BEND7: variants seen among roughly 807,000 people sequenced by gnomAD.
BEND7 encodes BEN domain-containing protein 7.
A neutral mutation model predicts 50.9 loss-of-function variants in BEND7; 28 were observed. The ratio of observed to expected loss-of-function variants is 0.55; its 90% CI spans 0.41 to 0.75. The LOEUF is 0.75. BEND7 is among the 30% of genes least tolerant of loss of function. BEND7 has a pLI of 0.00. For missense variants in BEND7, 477 were observed against 491.3 expected, an observed-to-expected ratio of 0.97 and a Z score of 0.28; for synonymous variants, 170 against 183.9, an observed-to-expected ratio of 0.92 and a Z score of 0.61.
intron 7 of BEND7, among the ~76,000 whole-genome samples, chr10:13,447,613 G>C (rs929576124): frequency 7.0e-6 from 1 of 142,272 alleles, no homozygotes; most frequent in Non-Finnish European, 1.5e-5. Context: ...GCGCGATCTC[G>C]GCTCACTACA....
At chr10:13,471,068 GTCT>G (rs1694151277) in intron 6 of BEND7, among the ~76,000 whole-genome samples, 1 of 152,152 alleles carries the variant, frequency 6.6e-6, no homozygotes, top group South Asian at 2.1e-4. Flanking sequence ...ATTCTGTGAG[GTCT>G]TCTCCTAGTG....
At chr10:13,450,411 G>A (rs1837411128) in intron 7 of BEND7, among the ~76,000 whole-genome samples, 1 of 152,196 alleles carries the variant, frequency 6.6e-6, no homozygotes, top group Non-Finnish European at 1.5e-5. Context: ...GTTCCTATCG[G>A]CATCATGGAA....
At chr10:13,498,214 T>C (rs1488993951) in intron 3 of BEND7, among the ~76,000 whole-genome samples, 1 of 151,788 alleles carries the variant, frequency 6.6e-6, no homozygotes, top group Non-Finnish European at 1.5e-5. Context: ...TAGCTGGGAC[T>C]ACATGCATGC....
chr10:13,478,449 C>T (rs1000690112), intron 6 of BEND7, among the ~76,000 whole-genome samples: 8 of 152,166 alleles, frequency 5.3e-5, no homozygotes, highest in African/African-American at 1.9e-4. Flanking sequence ...ATATTTAAGA[C>T]AAAGTGTGTC....
rs186032811 is a variant in BEND7, at chr10:13,506,993, G to C, written c.146-6913C>G. Among the ~76,000 whole-genome samples, 54 of 152,248 alleles carry C rather than the reference G, an allele frequency of 3.5e-4. 1 individual carries two copies. Among genetic ancestry groups the C allele is most frequent in the Admixed American group, 3.5e-3 (54 of 15,296 alleles). On this transcript the variant is annotated intron_variant, in intron 2 of 8. Transcript: ENST00000466271. Reference sequence around the variant, plus strand: ...GAAAATCTGGATAAAAGCAGGCAATGGGAAACGCAGCTACTGGGTGCATGA... The same window carrying C: ...GAAAATCTGGATAAAAGCAGGCAATCGGAAACGCAGCTACTGGGTGCATGA...
chr10:13,459,477 T>C (rs1297593343), intron 6 of BEND7: 1 of 152,244 alleles, frequency 6.6e-6, no homozygotes, highest in Non-Finnish European at 1.5e-5. Flanking sequence ...AGGCTTGATA[T>C]CCATCTATTG....
chr10:13,462,928 C>T (rs2073855477), intron 6 of BEND7, among the ~76,000 whole-genome samples: 1 of 152,166 alleles, frequency 6.6e-6, no homozygotes, highest in Non-Finnish European at 1.5e-5. Context: ...TACAGAAGAA[C>T]AACAGGTTGA....
intron 6 of BEND7, among the ~76,000 whole-genome samples, chr10:13,460,805 G>A (rs924382704): frequency 1.3e-5 from 2 of 152,220 alleles, no homozygotes; most frequent in Non-Finnish European, 2.9e-5. Flanking sequence ...ACTGGGGGGA[G>A]GGTTACAAAT....
chr10:13,491,667 T>G (rs1284506643), intron 5 of BEND7, among the ~76,000 whole-genome samples: 1 of 151,990 alleles, frequency 6.6e-6, no homozygotes, highest in Non-Finnish European at 1.5e-5. Context: ...GTCCCCTCCC[T>G]TTGTTAAAAA....
In BEND7 at chr10:13,499,945, A is replaced by T; in HGVS notation, c.281T>A (p.Val94Asp). 6.2e-7 allele frequency: 1 copy of T among 1,614,166 alleles called. No homozygotes were observed. Among genetic ancestry groups the T allele is most frequent in the Admixed American group, 1.7e-5 (1 of 60,022 alleles). The change falls in exon 3 of 9, where the codon GTC (valine) becomes GAC (aspartate). Residue 94 changes from valine to aspartate, a missense_variant. Transcript: ENST00000466271. ...AGAGGAGTTCAAACGTGGAGGCCAGACTAAATCCAGGTCCTGGGGCTCTTC... is the reference window on the plus strand; with the variant it reads ...AGAGGAGTTCAAACGTGGAGGCCAGTCTAAATCCAGGTCCTGGGGCTCTTC... Reference protein sequence around the residue: ...LKEEPQDLDLVWPPRLNSSAE... With the variant: ...LKEEPQDLDLDWPPRLNSSAE...
intron 2 of BEND7, among the ~76,000 whole-genome samples, chr10:13,524,430 G>A (rs1162407567): frequency 6.6e-6 from 1 of 152,054 alleles, no homozygotes; most frequent in African/African-American, 2.4e-5. Flanking sequence ...ATCACCTGAG[G>A]TCAGGAGTTT....
At chr10:13,526,045 G>A (rs1418174876) in intron 2 of BEND7, 93 bp downstream of exon 2, 1 of 556,556 alleles carries the variant, frequency 1.8e-6, no homozygotes, top group Non-Finnish European at 2.8e-6. Flanking sequence ...AGCAATGGCA[G>A]ACATTTCCCG....
intron 2 of BEND7, among the ~76,000 whole-genome samples, chr10:13,505,632 T>A (rs2077824619): frequency 6.6e-6 from 1 of 152,212 alleles, no homozygotes; most frequent in Non-Finnish European, 1.5e-5. Context: ...ACTGGGAGCC[T>A]GCCCCAAAGG....
chr10:13,490,389 G>A (rs540273229), intron 5 of BEND7, among the ~76,000 whole-genome samples: 4 of 152,242 alleles, frequency 2.6e-5, no homozygotes, highest in East Asian at 1.9e-4. Context: ...TGCTCTCCGC[G>A]TCTCAGTTGA....
intron 6 of BEND7, among the ~76,000 whole-genome samples, chr10:13,473,960 T>C (rs1338153672): frequency 6.6e-6 from 1 of 152,210 alleles, no homozygotes; most frequent in East Asian, 1.9e-4. Context: ...GCTGTTAGAC[T>C]CGGGGCCAAT....
intron 2 of BEND7, among the ~76,000 whole-genome samples, chr10:13,520,124 G>A (rs542723829): frequency 6.6e-6 from 1 of 152,172 alleles, no homozygotes; most frequent in Admixed American, 6.5e-5. Flanking sequence ...CCAGGCTCTT[G>A]TCTCCTAGTT....
intron 5 of BEND7, among the ~76,000 whole-genome samples, chr10:13,490,226 T>C (rs1333440010): frequency 1.3e-5 from 2 of 152,216 alleles, no homozygotes; most frequent in Non-Finnish European, 2.9e-5. Flanking sequence ...CTTTTTTATA[T>C]TTACAAAAGC....
chr10:13,455,696 G>C (rs570567862), intron 6 of BEND7, among the ~76,000 whole-genome samples: 2 of 152,158 alleles, frequency 1.3e-5, no homozygotes, highest in South Asian at 4.1e-4. Flanking sequence ...TGGAGGGGCT[G>C]CCTCCAACAG....
intron 6 of BEND7, among the ~76,000 whole-genome samples, chr10:13,476,438 G>T (rs943556314): frequency 6.6e-6 from 1 of 152,186 alleles, no homozygotes; most frequent in Non-Finnish European, 1.5e-5. Flanking sequence ...TTCACTTGAC[G>T]TGCCTATGTA....
Sources: allele counts gnomAD v4.1 joint callset (sites outside exome capture counted in the v4.1 genomes callset), GRCh38; gene constraint gnomAD v4.1.1; transcripts MANE v1.5; gene names NCBI Gene and HGNC (gene_info 2026-07-23, HGNC 2026-07-21).